The following IGFL2 variants were observed in gnomAD, a reference collection of about 807,000 sequenced individuals.
IGFL2 encodes insulin growth factor-like family member 2.
Under a neutral mutation model 13.9 loss-of-function variants are expected in IGFL2, and 7 were observed. The observed-to-expected ratio is 0.51, with a 90% CI of 0.29 to 0.95. The LOEUF is 0.95. IGFL2 is among the 40% of genes least tolerant of loss of function. The pLI, the probability that IGFL2 is intolerant of heterozygous loss-of-function variation, is 0.08. For missense variants in IGFL2, 138 were observed against 147.8 expected (o/e 0.93, Z 0.34); for synonymous variants, 55 against 55.8 (o/e 0.99, Z 0.07).
At chr19:46,147,303 A>G (rs1240410820), upstream of IGFL2, among the ~76,000 whole-genome samples, 2 of 152,202 alleles carry the variant, frequency 1.3e-5, no homozygotes, top group Admixed American at 6.5e-5. Context: ...GCTGAGGCCC[A>G]CAAACTATGG....
chr19:46,148,375 T>C, intron 1 of IGFL2, 78 bp downstream of exon 1: 1 of 1,233,472 alleles, frequency 8.1e-7, no homozygotes, highest in Non-Finnish European at 1.2e-6. Context: ...AACTTAATTC[T>C]CTCTTCCCTA....
At chr19:46,137,575 A>T in the IGFL2 span, 1 of 1,046,696 alleles carries the variant, frequency 9.6e-7, no homozygotes, top group East Asian at 2.5e-5. Flanking sequence ...TCTCACTGCC[A>T]GATGCTGCAA....
chr19:46,153,495 G>T (rs1973625260), intron 1 of IGFL2, among the ~76,000 whole-genome samples: 1 of 151,872 alleles, frequency 6.6e-6, no homozygotes, highest in Non-Finnish European at 1.5e-5. Flanking sequence ...TGAGAACTAG[G>T]TATTCAGATC....
chr19:46,171,765 T>C, the IGFL2 span, among the ~76,000 whole-genome samples: 1 of 152,196 alleles, frequency 6.6e-6, no homozygotes, highest in Non-Finnish European at 1.5e-5. Flanking sequence ...CCCATCAGTA[T>C]GAAGCTCACC....
the IGFL2 span, among the ~76,000 whole-genome samples, chr19:46,169,371 G>T: frequency 6.6e-6 from 1 of 152,010 alleles, no homozygotes; most frequent in Admixed American, 6.6e-5. Context: ...GATAGAGAAA[G>T]AACAATGACC....
At chr19:46,100,794 A>C in the IGFL2 span, among the ~76,000 whole-genome samples, 4 of 152,276 alleles carry the variant, frequency 2.6e-5, no homozygotes, top group East Asian at 5.8e-4. Context: ...AGCCAGATGC[A>C]TTTGGGGTCC....
chr19:46,120,404 A>G, the IGFL2 span: 2 of 1,608,114 alleles, frequency 1.2e-6, no homozygotes, highest in Non-Finnish European at 1.7e-6. Context: ...ATATATTCTC[A>G]GGAAAAAATT....
chr19:46,160,999 C>T (rs1259482579), intron 3 of IGFL2, 71 bp from the exon 4 acceptor site: 1 of 1,538,456 alleles, frequency 6.5e-7, no homozygotes. Flanking sequence ...TAATCTCTAG[C>T]AGTTTCTCAA....
chr19:46,149,197 C>T (rs1224998463), intron 1 of IGFL2, among the ~76,000 whole-genome samples: 2 of 144,834 alleles, frequency 1.4e-5, no homozygotes, highest in Admixed American at 6.8e-5. Context: ...TTTCTCTCTC[C>T]CTCTCTTTCT....
At position 46,160,454 on chromosome 19, in the gene IGFL2, C is replaced by T; in HGVS notation, c.59C>T (p.Pro20Leu). Residue 20 changes from proline to leucine, a missense_variant, in exon 2 of 4, where the codon CCA becomes CTA. Pro to Leu is a moderately conservative substitution (Grantham distance 98). Transcript: ENST00000377693. ...YVSVCLLLLC[P>L]REVIAPAGSE... is the part of the protein sequence containing the mutation. ...TCAGTCTGTCTCCTCCTCTTGTGTC[C>T]AAGGGAAGTCATCGGTGAGTACAAG... 2 of 1,613,762 alleles carry T rather than the reference C, an allele frequency of 1.2e-6. No homozygotes were observed. Among genetic ancestry groups the T allele is most frequent in the Non-Finnish European group, 1.7e-6 (2 of 1,179,772 alleles).
chr19:46,119,496 G>T, the IGFL2 span, among the ~76,000 whole-genome samples: 385 of 141,232 alleles, frequency 2.7e-3, 26 homozygotes, highest in African/African-American at 9.8e-3. Flanking sequence ...AGGGTATGCT[G>T]CTCTGGGGCC....
chr19:46,170,068 A>T, the IGFL2 span, among the ~76,000 whole-genome samples: 1 of 151,864 alleles, frequency 6.6e-6, no homozygotes, highest in African/African-American at 2.4e-5. Context: ...TAGAAGGGGG[A>T]TGCAAGGGCT....
At chr19:46,137,001 A>G in the IGFL2 span, 3 of 1,566,194 alleles carry the variant, frequency 1.9e-6, no homozygotes, top group East Asian at 6.7e-5. Flanking sequence ...TGACTGGCAG[A>G]GAAAGGGACA....
At chr19:46,141,537 G>A (rs1352440680), upstream of IGFL2, among the ~76,000 whole-genome samples, 1 of 152,078 alleles carries the variant, frequency 6.6e-6, no homozygotes, top group Non-Finnish European at 1.5e-5. Context: ...ACCTGGGCCT[G>A]CCTTTCCCTC....
At chr19:46,149,206 C>G (rs1568424333) in intron 1 of IGFL2, among the ~76,000 whole-genome samples, 1 of 150,038 alleles carries the variant, frequency 6.7e-6, no homozygotes, top group East Asian at 2.0e-4. Flanking sequence ...CCCTCTCTTT[C>G]TCTCTCCCTC....
At chr19:46,168,912 G>GTATA in the IGFL2 span, among the ~76,000 whole-genome samples, 1 of 118,094 alleles carries the variant, frequency 8.5e-6, no homozygotes, top group African/African-American at 3.0e-5. Context: ...GTGTGTGTGT[G>GTATA]TGTATGTGTG....
At chr19:46,176,198 G>A in the IGFL2 span, among the ~76,000 whole-genome samples, 56 of 146,248 alleles carry the variant, frequency 3.8e-4, no homozygotes, top group Admixed American at 6.1e-4. Flanking sequence ...AAAAAAAAAA[G>A]AAAAGAAAAC....
At chr19:46,087,313 G>T in the IGFL2 span, among the ~76,000 whole-genome samples, 1 of 152,194 alleles carries the variant, frequency 6.6e-6, no homozygotes, top group East Asian at 1.9e-4. Flanking sequence ...CCTGCAGGTG[G>T]GTGCTGGCTG....
rs977540266 is a variant in IGFL2, at chr19:46,149,099, C to T, written c.19+802C>T. 4.9e-5 allele frequency: 64 copies of T among 1,299,046 alleles called. No homozygotes were observed. The South Asian group carries it at 7.5e-4, about 15-fold the overall frequency. The allele number at this position is 1,299,046 out of a possible 1,614,324, so 80.5% of individuals were successfully genotyped here. A position where few individuals can be genotyped will look rare whatever the true frequency, so the allele number is the denominator to read the frequency against. On this transcript the variant is annotated intron_variant, in intron 1 of 3. Transcript: ENST00000377693. Reference sequence around the variant, plus strand: ...GTTGTGTGTATTCCATCAAGATGAGCAATGCCTGCTGTGTTCACTAACTTC... The same window carrying T: ...GTTGTGTGTATTCCATCAAGATGAGTAATGCCTGCTGTGTTCACTAACTTC...
Sources: gnomAD v4.1 joint callset for allele counts (sites outside exome capture counted in the v4.1 genomes callset) on GRCh38, gnomAD v4.1.1 for gene constraint, MANE v1.5 for transcripts, NCBI Gene and HGNC (gene_info 2026-07-23, HGNC 2026-07-21) for gene names.